USP12: variants seen among roughly 807,000 people sequenced by gnomAD.
The protein encoded by USP12 is ubiquitin carboxyl-terminal hydrolase 12.
USP12 carries 19 observed loss-of-function variants against 45.5 expected under a neutral mutation model. That is an observed-to-expected ratio of 0.42 (90% CI 0.29 to 0.61). The LOEUF (loss-of-function observed/expected upper bound fraction) is 0.61, where lower values mean the gene tolerates loss of function less well. Ranked by LOEUF, USP12 falls within the 20% of genes least tolerant of loss-of-function variation. USP12 has a pLI of 0.22. For missense variants in USP12, 242 were observed against 447.7 expected (o/e 0.54, Z 4.15); for synonymous variants, 149 against 148.8 (o/e 1.00, Z -0.01).
chr13:27,115,360 T>C (rs1209337714), intron 2 of USP12, among the ~76,000 whole-genome samples: 2 of 152,178 alleles, frequency 1.3e-5, no homozygotes, highest in African/African-American at 2.4e-5. Context: ...TTCTTTGTTA[T>C]AGGTTTTATG....
chr13:27,167,079 T>C (rs1186599396), intron 1 of USP12, among the ~76,000 whole-genome samples: 1 of 152,112 alleles, frequency 6.6e-6, no homozygotes, highest in East Asian at 1.9e-4. Flanking sequence ...CTGACCAACA[T>C]GGAGAAACCC....
At chr13:27,135,687 C>T (rs1876771096) in intron 1 of USP12, among the ~76,000 whole-genome samples, 1 of 151,980 alleles carries the variant, frequency 6.6e-6, no homozygotes, top group South Asian at 2.1e-4. Flanking sequence ...TGCACTCCAG[C>T]CTGGGTGACA....
Position 27,095,845 on chromosome 13 carries a change from A to G in USP12, c.344-15T>C, listed in dbSNP as rs771434003. Reference sequence around the variant, plus strand: ...GTCAAAAAGCTCTGAAAATAAAAACATTATATTAGAGAATTATTTCAGAAT... The same window carrying G: ...GTCAAAAAGCTCTGAAAATAAAAACGTTATATTAGAGAATTATTTCAGAAT... On this transcript the variant is annotated splice_polypyrimidine_tract_variant and intron_variant, in intron 3 of 8. Coordinates refer to ENST00000282344, the MANE Select transcript of USP12 (RefSeq NM_182488.4). The G allele has an allele frequency of 1.9e-6, 3 of 1,547,698 alleles. No homozygotes were observed. Among genetic ancestry groups the G allele is most frequent in the Non-Finnish European group, 2.6e-6 (3 of 1,147,400 alleles).
intron 1 of USP12, among the ~76,000 whole-genome samples, chr13:27,148,567 A>T (rs1448050696): frequency 6.6e-6 from 1 of 150,526 alleles, no homozygotes; most frequent in East Asian, 1.9e-4. Flanking sequence ...CCAGCTACTC[A>T]GGAGGCTGAG....
At chr13:27,101,425 G>T (rs947549307) in intron 3 of USP12, among the ~76,000 whole-genome samples, 2 of 152,110 alleles carry the variant, frequency 1.3e-5, no homozygotes, top group African/African-American at 4.8e-5. Context: ...AACTTGCTTT[G>T]GAAGTTAAAC....
At chr13:27,070,557 CT>C (rs370430441) in intron 8 of USP12, among the ~76,000 whole-genome samples, 306 of 137,054 alleles carry the variant, frequency 2.2e-3, no homozygotes, top group Middle Eastern at 3.8e-3. Context: ...TTGTTTTATT[CT>C]TTTTTTTTTT....
At chr13:27,145,919 G>C (rs952602750) in intron 1 of USP12, among the ~76,000 whole-genome samples, 6 of 152,114 alleles carry the variant, frequency 3.9e-5, no homozygotes, top group Non-Finnish European at 5.9e-5. Context: ...AATATTTAAT[G>C]ATCCAGATTT....
intron 3 of USP12, among the ~76,000 whole-genome samples, chr13:27,099,951 G>T (rs1027841049): frequency 3.3e-5 from 5 of 152,178 alleles, no homozygotes; most frequent in Admixed American, 3.3e-4. Context: ...TACACTGTGT[G>T]TGGGTTTTTG....
chr13:27,155,066 C>CTTTTTTTTTTTTT (rs71083634), intron 1 of USP12, among the ~76,000 whole-genome samples: 3 of 57,614 alleles, frequency 5.2e-5, no homozygotes, highest in African/African-American at 1.7e-4. Context: ...ATGTCCACAA[C>CTTTTTTTTTTTTT]TTTTTTTTTT....
At chr13:27,155,907 AT>A (rs2137837227) in intron 1 of USP12, among the ~76,000 whole-genome samples, 1 of 152,344 alleles carries the variant, frequency 6.6e-6, no homozygotes, top group South Asian at 2.1e-4. Flanking sequence ...TAAAAAGTTT[AT>A]TTCTATGTAG....
At chr13:27,148,426 A>T (rs1047575022) in intron 1 of USP12, among the ~76,000 whole-genome samples, 5 of 151,888 alleles carry the variant, frequency 3.3e-5, no homozygotes, top group African/African-American at 1.2e-4. Context: ...CTGTAATGCC[A>T]GCACTTTGGG....
chr13:27,137,800 T>C (rs1371131945), intron 1 of USP12, among the ~76,000 whole-genome samples: 1 of 152,206 alleles, frequency 6.6e-6, no homozygotes, highest in Non-Finnish European at 1.5e-5. Flanking sequence ...TGTGACTATG[T>C]GACATAATGT....
intron 6 of USP12, 94 bp downstream of exon 6, chr13:27,089,789 A>G: frequency 1.7e-6 from 2 of 1,197,082 alleles, no homozygotes; most frequent in Non-Finnish European, 1.2e-6. Flanking sequence ...TTTTTACTCA[A>G]TGTAAATTTT....
Position 27,148,846 on chromosome 13 carries a change from C to T in USP12, c.48+22746G>A, listed in dbSNP as rs970590818. Reference sequence around the variant, plus strand: ...AGGTGACAAAAATCCAACACCTTGTCATGATAAAAACATAGAAAAGAATTC... The same window carrying T: ...AGGTGACAAAAATCCAACACCTTGTTATGATAAAAACATAGAAAAGAATTC... On this transcript the variant is annotated intron_variant, in intron 1 of 8. Coordinates refer to ENST00000282344, the MANE Select transcript of USP12 (RefSeq NM_182488.4). 9.7e-5 allele frequency among the ~76,000 whole-genome samples: 11 copies of T among 113,846 alleles called. No individual in the cohort carries two copies. In the South Asian group the frequency reaches 2.4e-3, roughly 25 times the overall value. 74.7% of individuals were successfully genotyped at this position (113,846 alleles called of 152,430 possible).
At position 27,138,012 on chromosome 13, in the gene USP12, TC is replaced by T. The variant is rs1435846468; in HGVS notation, c.49-21417del. Among the ~76,000 whole-genome samples, 3 of 152,160 alleles carry T rather than the reference TC, an allele frequency of 2.0e-5. No homozygotes were observed. The East Asian group carries it at 5.8e-4, about 29-fold the overall frequency. ...AGTCTTAACAGCTGCAAGAAAACAT[TC>T]AGCCAGCACCCTAAGTGAGCTTGAA... On this transcript the variant is annotated intron_variant, in intron 1 of 8. Transcript: ENST00000282344.
intron 1 of USP12, among the ~76,000 whole-genome samples, chr13:27,150,437 T>G (rs970511986): frequency 1.3e-5 from 2 of 152,002 alleles, no homozygotes; most frequent in African/African-American, 2.4e-5. Flanking sequence ...TAAAAGAAAT[T>G]AAAGGAAATC....
chr13:27,114,191 A>G (rs1184720028), intron 2 of USP12, among the ~76,000 whole-genome samples: 1 of 152,210 alleles, frequency 6.6e-6, no homozygotes, highest in Non-Finnish European at 1.5e-5. Context: ...GAAAATTAAT[A>G]AAGAACCATA....
chr13:27,088,357 C>T (rs1874160522), intron 6 of USP12, among the ~76,000 whole-genome samples: 1 of 139,452 alleles, frequency 7.2e-6, no homozygotes, highest in Admixed American at 8.1e-5. Context: ...GCGGAGCTTG[C>T]AGTGAGCCGA....
chr13:27,121,546 T>C (rs751696408), intron 1 of USP12, among the ~76,000 whole-genome samples: 1 of 151,924 alleles, frequency 6.6e-6, no homozygotes, highest in East Asian at 1.9e-4. Context: ...CATGAAGAAA[T>C]GCAGACAGCA....
Sources: allele counts gnomAD v4.1 joint callset (sites outside exome capture counted in the v4.1 genomes callset), GRCh38; gene constraint gnomAD v4.1.1; transcripts MANE v1.5; gene names NCBI Gene and HGNC (gene_info 2026-07-23, HGNC 2026-07-21).